The following CLSTN2 variants were observed in gnomAD, a reference collection of about 807,000 sequenced individuals.
The protein encoded by CLSTN2 is calsyntenin-2.
In CLSTN2, 48 loss-of-function variants were observed where a neutral mutation model predicts 101.2. The ratio of observed to expected loss-of-function variants is 0.47; its 90% CI spans 0.38 to 0.60. The LOEUF (loss-of-function observed/expected upper bound fraction) is 0.60. Among genes scored for constraint, CLSTN2 ranks in the 20% least tolerant of loss-of-function variants. The pLI, the probability that CLSTN2 is intolerant of heterozygous loss-of-function variation, is 0.00. For missense variants in CLSTN2, 1,160 were observed against 1,238.2 expected, an observed-to-expected ratio of 0.94 and a Z score of 0.95; for synonymous variants, 481 against 463.6, an observed-to-expected ratio of 1.04 and a Z score of -0.48.
intron 2 of CLSTN2, among the ~76,000 whole-genome samples, chr3:140,260,742 G>T (rs2086644001): frequency 6.6e-6 from 1 of 152,046 alleles, no homozygotes; most frequent in Non-Finnish European, 1.5e-5. Flanking sequence ...CTGTTCCAGG[G>T]TCTCACTTAG....
chr3:140,171,729 T>C (rs1416107305), intron 1 of CLSTN2, among the ~76,000 whole-genome samples: 26 of 113,362 alleles, frequency 2.3e-4, no homozygotes, highest in African/African-American at 8.3e-4. Context: ...ATATATTATA[T>C]ATAATATATT....
intron 1 of CLSTN2, among the ~76,000 whole-genome samples, chr3:140,022,306 G>A (rs556146032): frequency 1.3e-5 from 2 of 152,346 alleles, no homozygotes; most frequent in Admixed American, 1.3e-4. Context: ...CCATCCCTGC[G>A]TATAGATGAG....
chr3:140,315,806 G>A (rs116805759), intron 2 of CLSTN2, among the ~76,000 whole-genome samples: 2,549 of 152,212 alleles, frequency 0.017, 61 homozygotes, highest in African/African-American at 0.05. Flanking sequence ...CATCCCTCCC[G>A]TTATAATCAG....
chr3:140,054,485 G>A (rs1158787831), intron 1 of CLSTN2, among the ~76,000 whole-genome samples: 4 of 152,084 alleles, frequency 2.6e-5, no homozygotes, highest in African/African-American at 7.2e-5. Flanking sequence ...AAGACCACGC[G>A]GTCAGTAAGG....
intron 1 of CLSTN2, among the ~76,000 whole-genome samples, chr3:140,119,994 C>T (rs1454728751): frequency 6.6e-6 from 1 of 152,176 alleles, no homozygotes; most frequent in Non-Finnish European, 1.5e-5. Context: ...TATACCACCA[C>T]AATAATCACC....
At chr3:139,968,685 C>T (rs968661466) in intron 1 of CLSTN2, among the ~76,000 whole-genome samples, 19 of 152,234 alleles carry the variant, frequency 1.2e-4, no homozygotes, top group South Asian at 4.1e-4. Flanking sequence ...ACAAATGCAA[C>T]GAGGCAATGA....
chr3:140,416,318 G>A (rs1012306868), intron 4 of CLSTN2, among the ~76,000 whole-genome samples: 1 of 152,066 alleles, frequency 6.6e-6, no homozygotes, highest in African/African-American at 2.4e-5. Context: ...TAATAGTAAT[G>A]CATTATATAC....
chr3:140,366,531 G>A (rs564159685), intron 2 of CLSTN2, among the ~76,000 whole-genome samples: 19 of 152,288 alleles, frequency 1.2e-4, no homozygotes, highest in African/African-American at 3.1e-4. Flanking sequence ...AGGAGGACCC[G>A]CTTGTATAGG....
chr3:140,184,013 T>C (rs1010477606), intron 2 of CLSTN2, among the ~76,000 whole-genome samples: 1 of 152,144 alleles, frequency 6.6e-6, no homozygotes, highest in Non-Finnish European at 1.5e-5. Context: ...GCTTCCTGCT[T>C]ATTGGGCAGC....
rs1357420269 is a variant in CLSTN2, at chr3:140,404,693, C to T, written c.564C>T (p.Cys188=). ...ILQVEAIDED[C]SPQYSQICNY... Reference sequence around the variant, plus strand: ...AGGTGGAGGCCATTGACGAGGACTGCTCCCCACAGTACAGCCAGATCTGCA... The same window carrying T: ...AGGTGGAGGCCATTGACGAGGACTGTTCCCCACAGTACAGCCAGATCTGCA... Residue 188 remains cysteine (C), a synonymous_variant, in exon 4 of 17, where the codon TGC becomes TGT. Transcript: ENST00000458420. 2 of 1,614,182 alleles carry T rather than the reference C, an allele frequency of 1.2e-6. No individual in the cohort carries two copies. The highest frequency in any genetic ancestry group is 1.7e-6 in the Non-Finnish European group (2 of 1,180,018).
intron 2 of CLSTN2, among the ~76,000 whole-genome samples, chr3:140,278,664 A>G (rs2086817179): frequency 6.6e-6 from 1 of 152,206 alleles, no homozygotes; most frequent in Non-Finnish European, 1.5e-5. Context: ...AATAAACTAA[A>G]GCAAGCTTGT....
chr3:139,998,788 A>T (rs933671566), intron 1 of CLSTN2, among the ~76,000 whole-genome samples: 1 of 151,884 alleles, frequency 6.6e-6, no homozygotes, highest in South Asian at 2.1e-4. Flanking sequence ...GAGTCTCACC[A>T]CCTGCTCTGG....
intron 5 of CLSTN2, among the ~76,000 whole-genome samples, chr3:140,444,622 T>C (rs1933034321): frequency 6.6e-6 from 1 of 152,180 alleles, no homozygotes; most frequent in African/African-American, 2.4e-5. Flanking sequence ...GCAATAAATG[T>C]TATTGAATAA....
At chr3:140,162,634 G>T (rs1029986494) in intron 1 of CLSTN2, among the ~76,000 whole-genome samples, 1 of 152,048 alleles carries the variant, frequency 6.6e-6, no homozygotes, top group African/African-American at 2.4e-5. Context: ...GCTGGGTGGC[G>T]GGGGCCTTTT....
At chr3:140,031,285 G>C (rs1201325751) in intron 1 of CLSTN2, among the ~76,000 whole-genome samples, 1 of 152,092 alleles carries the variant, frequency 6.6e-6, no homozygotes, top group Non-Finnish European at 1.5e-5. Flanking sequence ...GGTCATTTTT[G>C]GTTCTTTGTT....
intron 2 of CLSTN2, among the ~76,000 whole-genome samples, chr3:140,340,012 G>A (rs1333254993): frequency 6.6e-6 from 1 of 152,154 alleles, no homozygotes; most frequent in Non-Finnish European, 1.5e-5. Flanking sequence ...TTTCTCTCCT[G>A]AAAATGAGCG....
At chr3:140,069,722 C>G (rs2008359755) in intron 1 of CLSTN2, among the ~76,000 whole-genome samples, 2 of 152,186 alleles carry the variant, frequency 1.3e-5, no homozygotes, top group South Asian at 4.1e-4. Context: ...CTTGATTTAG[C>G]TAGACTCTGA....
intron 2 of CLSTN2, among the ~76,000 whole-genome samples, chr3:140,254,783 TGAA>T (rs1170481021): frequency 6.6e-6 from 1 of 152,124 alleles, no homozygotes; most frequent in Admixed American, 6.5e-5. Context: ...AATTTTATAA[TGAA>T]GACTCCAAAA....
intron 1 of CLSTN2, among the ~76,000 whole-genome samples, chr3:140,066,989 A>G (rs1450123382): frequency 6.6e-6 from 1 of 152,250 alleles, no homozygotes; most frequent in Non-Finnish European, 1.5e-5. Flanking sequence ...GGATTTCATC[A>G]ATCTCAACGA....
Sources: gnomAD v4.1 joint callset for allele counts (sites outside exome capture counted in the v4.1 genomes callset) on GRCh38, gnomAD v4.1.1 for gene constraint, MANE v1.5 for transcripts, NCBI Gene and HGNC (gene_info 2026-07-23, HGNC 2026-07-21) for gene names.